Variants in RNF220 observed in about 807,000 individuals in gnomAD.
RNF220 encodes the protein ring finger protein 220.
RNF220 carries 7 observed loss-of-function variants against 67.1 expected under a neutral mutation model. The ratio of observed to expected loss-of-function variants is 0.10; its 90% CI spans 0.06 to 0.20. RNF220 has a LOEUF of 0.20. RNF220 is among the 10% of genes least tolerant of loss of function. The pLI is 1.00. For missense variants in RNF220, 565 were observed against 740.3 expected, an observed-to-expected ratio of 0.76 and a Z score of 2.75; for synonymous variants, 270 against 283.2, an observed-to-expected ratio of 0.95 and a Z score of 0.47.
chr1:44,469,710 G>C (rs932051655), intron 2 of RNF220, among the ~76,000 whole-genome samples: 2 of 152,184 alleles, frequency 1.3e-5, no homozygotes, highest in Admixed American at 1.3e-4. Flanking sequence ...TGCTATGAGA[G>C]CCTGAGTATG....
intron 2 of RNF220, among the ~76,000 whole-genome samples, chr1:44,562,441 C>T (rs1343843691): frequency 3.3e-5 from 5 of 152,224 alleles, no homozygotes; most frequent in Non-Finnish European, 4.4e-5. Context: ...AGCTCCCTCC[C>T]TCTGCCTCGC....
chr1:44,502,155 T>TCACACA (rs1491272514), intron 2 of RNF220, among the ~76,000 whole-genome samples: 2 of 106,332 alleles, frequency 1.9e-5, no homozygotes, highest in African/African-American at 6.4e-5. Flanking sequence ...TCTCTCTCTC[T>TCACACA]CTCACACACA....
chr1:44,584,349 G>A (rs955759814), intron 2 of RNF220, among the ~76,000 whole-genome samples: 4 of 152,236 alleles, frequency 2.6e-5, no homozygotes, highest in Non-Finnish European at 2.9e-5. Flanking sequence ...TGTCCAGAGC[G>A]TGGTTCATTC....
intron 2 of RNF220, among the ~76,000 whole-genome samples, chr1:44,548,507 C>A (rs1391435754): frequency 6.6e-6 from 1 of 151,122 alleles, no homozygotes; most frequent in Non-Finnish European, 1.5e-5. Flanking sequence ...CTTTTTTTTT[C>A]TTTTTAGACA....
chr1:44,476,953 C>T (rs991086767), intron 2 of RNF220, among the ~76,000 whole-genome samples: 8 of 152,098 alleles, frequency 5.3e-5, no homozygotes, highest in Admixed American at 2.0e-4. Context: ...AAGCAAAGAG[C>T]CCATCAGTTA....
At chr1:44,533,316 C>T (rs900637111) in intron 2 of RNF220, among the ~76,000 whole-genome samples, 4 of 152,020 alleles carry the variant, frequency 2.6e-5, no homozygotes, top group Non-Finnish European at 5.9e-5. Context: ...CATAGTGAGA[C>T]CTCATCTCTA....
rs111665631 is a variant in RNF220, at chr1:44,405,377, A to ACTGCTGCTGCTGCTGCTGCTG, written c.-252_-251insTGCTGCTGCTGCTGCTGCTGC. 1.8e-5 allele frequency: 11 copies of ACTGCTGCTGCTGCTGCTGCTG among 611,308 alleles called. No homozygotes were observed. The highest frequency in any genetic ancestry group is 1.2e-4 in the African/African-American group (6 of 51,804). The allele number at this position is 611,308 out of a possible 1,614,324, so 37.9% of individuals were successfully genotyped here. Reference sequence around the variant, plus strand: ...AACACAAACCCGGGGCCAGCCGCCTACTGCTGCTGCTGCTGCTGCCGCTGC... The same window carrying ACTGCTGCTGCTGCTGCTGCTG: ...AACACAAACCCGGGGCCAGCCGCCTACTGCTGCTGCTGCTGCTGCTGCTGCTGCTGCTGCTGCTGCCGCTGC... On this transcript the variant is annotated 5_prime_UTR_variant, in exon 1 of 15. Coordinates refer to ENST00000361799, the MANE Select transcript of RNF220 (RefSeq NM_018150.4).
intron 2 of RNF220, among the ~76,000 whole-genome samples, chr1:44,572,552 A>G (rs1162421678): frequency 6.6e-6 from 1 of 152,246 alleles, no homozygotes; most frequent in Admixed American, 6.5e-5. Flanking sequence ...TGTTTTGTGA[A>G]ATCAATGACA....
At chr1:44,413,870 C>T (rs1244646795) in intron 2 of RNF220, among the ~76,000 whole-genome samples, 3 of 152,232 alleles carry the variant, frequency 2.0e-5, no homozygotes, top group African/African-American at 7.2e-5. Flanking sequence ...GCCACTGCTT[C>T]GTCAGGCTGT....
intron 2 of RNF220, among the ~76,000 whole-genome samples, chr1:44,474,066 A>G (rs1445719647): frequency 2.1e-5 from 3 of 140,264 alleles, no homozygotes; most frequent in African/African-American, 5.6e-5. Flanking sequence ...AATATTCAAG[A>G]AAAAAAATAA....
At chr1:44,580,339 G>C (rs1478991003) in intron 2 of RNF220, among the ~76,000 whole-genome samples, 1 of 152,122 alleles carries the variant, frequency 6.6e-6, no homozygotes, top group South Asian at 2.1e-4. Flanking sequence ...GAGTGCCTAT[G>C]GGTCAGGATA....
At chr1:44,484,872 G>C (rs1372782544) in intron 2 of RNF220, among the ~76,000 whole-genome samples, 1 of 152,200 alleles carries the variant, frequency 6.6e-6, no homozygotes, top group Non-Finnish European at 1.5e-5. Context: ...AGCCGGGCAC[G>C]GTGGCTCACG....
At chr1:44,580,224 G>A (rs1665169380) in intron 2 of RNF220, among the ~76,000 whole-genome samples, 1 of 152,000 alleles carries the variant, frequency 6.6e-6, no homozygotes, top group African/African-American at 2.4e-5. Flanking sequence ...TAATGAAGCT[G>A]GGATTTTGAA....
chr1:44,412,508 G>C lies in RNF220; in HGVS notation c.411G>C (p.Thr137=), dbSNP rs749991415. ...EDRESYQSAF[T]PAKRLKNCHD... ...GGGAGAGCTATCAGTCAGCCTTTAC[G>C]CCGGCCAAGCGACTTAAGAACTGCC... The change falls in exon 2 of 15, where the codon ACG becomes ACC. Residue 137 remains threonine, a synonymous_variant. Transcript: ENST00000361799. The surrounding 1 kb of genome is among the most constrained non-coding windows in gnomAD (Gnocchi z 5.3). The C allele has an allele frequency of 2.5e-6, 4 of 1,613,608 alleles. No homozygotes were observed. Among genetic ancestry groups the C allele is most frequent in the Non-Finnish European group, 3.4e-6 (4 of 1,179,742 alleles).
chr1:44,422,592 G>A (rs1649349967), intron 2 of RNF220, among the ~76,000 whole-genome samples: 2 of 152,220 alleles, frequency 1.3e-5, no homozygotes, highest in African/African-American at 2.4e-5. Flanking sequence ...AGTGCCTGCT[G>A]CTGAAGTACC....
At chr1:44,632,412 G>T in intron 6 of RNF220, 27 bp downstream of exon 6, 1 of 921,668 alleles carries the variant, frequency 1.1e-6, no homozygotes, top group Non-Finnish European at 1.4e-6. Context: ...CCCTCCCTCC[G>T]CCCCACCCCC....
rs536963049 is a variant in RNF220 at position 44,460,097 on chromosome 1, C to T, written c.625+47375C>T. ...CTGGGCAATTATAGCTTAATCCCAA[C>T]GGGAAAGTTCAGGGAGTCAGTGCAG... On this transcript the variant is annotated intron_variant, in intron 2 of 14. Coordinates refer to ENST00000361799, the MANE Select transcript of RNF220 (RefSeq NM_018150.4). 6.7e-4 allele frequency among the ~76,000 whole-genome samples: 102 copies of T among 152,260 alleles called. 1 individual carries two copies. Among genetic ancestry groups the T allele is most frequent in the Non-Finnish European group, 1.3e-3 (88 of 68,016 alleles).
intron 2 of RNF220, among the ~76,000 whole-genome samples, chr1:44,469,773 C>T (rs1445474614): frequency 2.0e-5 from 3 of 152,078 alleles, no homozygotes; most frequent in East Asian, 1.9e-4. Context: ...GATGAATAGG[C>T]GTTTAGGCAA....
At chr1:44,608,243 T>A (rs1032303320) in intron 2 of RNF220, among the ~76,000 whole-genome samples, 1 of 152,160 alleles carries the variant, frequency 6.6e-6, no homozygotes, top group Admixed American at 6.5e-5. Flanking sequence ...TTTCTTTTCC[T>A]AAGACCACTC....
Sources: gnomAD v4.1 joint callset for allele counts (sites outside exome capture counted in the v4.1 genomes callset) on GRCh38, gnomAD v4.1.1 for gene constraint, Gnocchi (gnomAD v3.1) non-coding constraint, MANE v1.5 for transcripts, NCBI Gene and HGNC (gene_info 2026-07-23, HGNC 2026-07-21) for gene names.